MAP3K7CL: variants seen among roughly 807,000 people sequenced by gnomAD.
MAP3K7CL encodes MAP3K7 C-terminal like.
MAP3K7CL carries 16 observed loss-of-function variants against 18.6 expected under a neutral mutation model. The ratio of observed to expected loss-of-function variants is 0.86; its 90% CI spans 0.58 to 1.31. MAP3K7CL has a LOEUF of 1.31. MAP3K7CL is among the 50% of genes most tolerant of loss of function. The pLI, the probability that MAP3K7CL is intolerant of heterozygous loss-of-function variation, is 0.00. For missense variants in MAP3K7CL, 163 were observed against 174.4 expected (o/e 0.93, Z 0.37); for synonymous variants, 65 against 66.8 (o/e 0.97, Z 0.13).
chr21:29,160,757 CT>C (rs1440444798), intron 4 of MAP3K7CL, among the ~76,000 whole-genome samples: 1 of 152,134 alleles, frequency 6.6e-6, no homozygotes, highest in African/African-American at 2.4e-5. Context: ...TTACTAGGAT[CT>C]TTTGATTAGA....
At chr21:29,130,181 A>G (rs537495220), upstream of MAP3K7CL, among the ~76,000 whole-genome samples, 2 of 152,332 alleles carry the variant, frequency 1.3e-5, no homozygotes, top group Non-Finnish European at 2.9e-5. Flanking sequence ...AGTACCAATG[A>G]CATCCAGGTT....
intron 1 of MAP3K7CL, among the ~76,000 whole-genome samples, chr21:29,089,255 C>G: frequency 6.8e-6 from 1 of 146,560 alleles, no homozygotes; most frequent in East Asian, 2.1e-4. Flanking sequence ...ACCCTCATCT[C>G]TGAATCAAGA....
chr21:29,083,463 T>G (rs1222505579), upstream of MAP3K7CL, among the ~76,000 whole-genome samples: 1 of 152,352 alleles, frequency 6.6e-6, no homozygotes, highest in South Asian at 2.1e-4. Flanking sequence ...TAGACTGTTA[T>G]CTCTACTCGA....
chr21:29,158,917 C>CTTTTTTTTTTTTTTTTTTTTTTTTTT, intron 3 of MAP3K7CL, among the ~76,000 whole-genome samples: 1 of 100,436 alleles, frequency 1.0e-5, no homozygotes, highest in Non-Finnish European at 1.9e-5. Flanking sequence ...AAAAGTAGTA[C>CTTTTTTTTTTTTTTTTTTTTTTTTTT]TTTTTTTTTT....
intron 4 of MAP3K7CL, among the ~76,000 whole-genome samples, chr21:29,172,063 A>G (rs1338447970): frequency 1.3e-5 from 2 of 152,010 alleles, no homozygotes; most frequent in Non-Finnish European, 1.5e-5. Context: ...ATAGTCTAAA[A>G]CAATAACATT....
intron 1 of MAP3K7CL, among the ~76,000 whole-genome samples, chr21:29,078,859 T>G (rs918089403): frequency 6.6e-6 from 1 of 152,188 alleles, no homozygotes; most frequent in African/African-American, 2.4e-5. Context: ...CAAGCACACA[T>G]GAGACAAGGC....
chr21:29,111,230 T>A (rs2086414643), intron 4 of MAP3K7CL, among the ~76,000 whole-genome samples: 1 of 152,108 alleles, frequency 6.6e-6, no homozygotes. Context: ...CACTCCAGCC[T>A]GGGCGACAGA....
upstream of MAP3K7CL, among the ~76,000 whole-genome samples, chr21:29,129,097 T>C (rs2086732020): frequency 6.6e-6 from 1 of 152,192 alleles, no homozygotes; most frequent in Non-Finnish European, 1.5e-5. Flanking sequence ...CGGAGTAAAA[T>C]GTATGGAATT....
At chr21:29,102,233 G>A (rs992657007) in intron 4 of MAP3K7CL, among the ~76,000 whole-genome samples, 1 of 152,166 alleles carries the variant, frequency 6.6e-6, no homozygotes, top group Non-Finnish European at 1.5e-5. Context: ...CTTCTCATCT[G>A]TGCCTCTTCT....
intron 1 of MAP3K7CL, among the ~76,000 whole-genome samples, chr21:29,078,573 A>G (rs1044036583): frequency 2.6e-5 from 4 of 152,214 alleles, no homozygotes; most frequent in Non-Finnish European, 4.4e-5. Context: ...GGTTAACTCC[A>G]TGCAATCAAG....
upstream of MAP3K7CL, among the ~76,000 whole-genome samples, chr21:29,128,389 G>C (rs771294434): frequency 6.6e-6 from 1 of 151,090 alleles, no homozygotes; most frequent in Admixed American, 6.6e-5. Flanking sequence ...TGCAAGCTCC[G>C]CCTCCTGGGT....
chr21:29,144,768 A>C (rs193157836), intron 2 of MAP3K7CL, among the ~76,000 whole-genome samples: 293 of 152,356 alleles, frequency 1.9e-3, no homozygotes, highest in Non-Finnish European at 3.2e-3. Flanking sequence ...TTTGGATTAC[A>C]GACCCAATGT....
At chr21:29,095,363 G>T (rs758524796) in intron 4 of MAP3K7CL, among the ~76,000 whole-genome samples, 1 of 152,114 alleles carries the variant, frequency 6.6e-6, no homozygotes, top group South Asian at 2.1e-4. Context: ...AGCCTTTTGT[G>T]TGGGGCAGGG....
At chr21:29,077,976 A>T (rs1488884071) in intron 1 of MAP3K7CL, among the ~76,000 whole-genome samples, 1 of 152,110 alleles carries the variant, frequency 6.6e-6, no homozygotes, top group Non-Finnish European at 1.5e-5. Context: ...GACTCAGTTC[A>T]CTATTTGTTT....
chr21:29,170,575 G>T (rs2087800497), intron 4 of MAP3K7CL, among the ~76,000 whole-genome samples: 1 of 152,010 alleles, frequency 6.6e-6, no homozygotes, highest in Non-Finnish European at 1.5e-5. Context: ...GAGAAAAATA[G>T]AACAGGAATA....
intron 1 of MAP3K7CL, chr21:29,085,964 A>G (rs372772554): frequency 6.9e-6 from 11 of 1,599,634 alleles, no homozygotes; most frequent in Non-Finnish European, 9.4e-6. Context: ...TGTCGACTAT[A>G]ATCCTGTTTT....
At chr21:29,093,804 G>A (rs2086073874) in intron 4 of MAP3K7CL, among the ~76,000 whole-genome samples, 1 of 152,014 alleles carries the variant, frequency 6.6e-6, no homozygotes, top group Non-Finnish European at 1.5e-5. Context: ...AAGGACCTAG[G>A]TTTAAGTTCC....
chr21:29,082,594 GAGC>G (rs1040345579), upstream of MAP3K7CL, among the ~76,000 whole-genome samples: 1 of 152,146 alleles, frequency 6.6e-6, no homozygotes, highest in African/African-American at 2.4e-5. Context: ...GGTGCCAAGG[GAGC>G]AAGCAGCAAT....
chr21:29,105,540 G>A (rs950779980), intron 4 of MAP3K7CL, among the ~76,000 whole-genome samples: 1 of 152,280 alleles, frequency 6.6e-6, no homozygotes, highest in African/African-American at 2.4e-5. Context: ...GATCCTTGAG[G>A]AAGGAGTGTG....
Sources: allele counts gnomAD v4.1 joint callset (sites outside exome capture counted in the v4.1 genomes callset), GRCh38; gene constraint gnomAD v4.1.1; transcripts MANE v1.5; gene names NCBI Gene and HGNC (gene_info 2026-07-23, HGNC 2026-07-21).